Variants in ANO10 observed in about 807,000 individuals in gnomAD.
ANO10 encodes anoctamin-10.
ANO10 carries 77 observed loss-of-function variants against 74.7 expected under a neutral mutation model. That is an observed-to-expected ratio of 1.03 (90% CI 0.86 to 1.25). The LOEUF (loss-of-function observed/expected upper bound fraction) is 1.25. Ranked by LOEUF, ANO10 falls within the 50% of genes most tolerant of loss-of-function variation. ANO10 has a pLI of 0.00. For missense variants in ANO10, 721 were observed against 778.1 expected, an observed-to-expected ratio of 0.93 and a Z score of 0.87; for synonymous variants, 279 against 284.9, an observed-to-expected ratio of 0.98 and a Z score of 0.21.
intron 11 of ANO10, among the ~76,000 whole-genome samples, chr3:43,471,179 T>C (rs545457871): frequency 3.3e-5 from 5 of 152,292 alleles, no homozygotes; most frequent in Admixed American, 1.3e-4. Flanking sequence ...TTCCCCCAGT[T>C]GGAAACCTAT....
In ANO10 at chr3:43,395,956, C is replaced by T. The variant is rs529824531; in HGVS notation, c.1915-28982G>A. Among the ~76,000 whole-genome samples the T allele has an allele frequency of 1.1e-4, 17 of 152,308 alleles. 1 individual carries two copies. In the South Asian group the frequency reaches 1.7e-3, roughly 15 times the overall value. ...GCAGCCACAGACAACCTGCAAATGACGACTTCTAGTTTCTGCAGATCCATC... is the reference window on the plus strand; with the variant it reads ...GCAGCCACAGACAACCTGCAAATGATGACTTCTAGTTTCTGCAGATCCATC... On this transcript the variant is annotated intron_variant, in intron 12 of 12. Transcript: ENST00000292246.
At chr3:43,565,751 G>T in intron 7 of ANO10, 24 bp from the exon 8 acceptor site, 2 of 1,126,690 alleles carry the variant, frequency 1.8e-6, no homozygotes, top group Non-Finnish European at 2.5e-6. Flanking sequence ...AAAAAAAAAA[G>T]ATAAGTGTTA....
intron 11 of ANO10, among the ~76,000 whole-genome samples, chr3:43,522,548 C>A (rs2078005285): frequency 6.6e-6 from 1 of 152,170 alleles, no homozygotes; most frequent in Non-Finnish European, 1.5e-5. Context: ...CATTTCACTG[C>A]AGTTTAATAT....
At chr3:43,408,070 G>A (rs1213879506) in intron 12 of ANO10, among the ~76,000 whole-genome samples, 1 of 152,224 alleles carries the variant, frequency 6.6e-6, no homozygotes, top group Non-Finnish European at 1.5e-5. Flanking sequence ...AGATCAGTCA[G>A]AGGGTTGTGG....
intron 12 of ANO10, among the ~76,000 whole-genome samples, chr3:43,403,924 C>T (rs1265326405): frequency 6.6e-6 from 1 of 152,122 alleles, no homozygotes; most frequent in Non-Finnish European, 1.5e-5. Context: ...GGTAACCATA[C>T]CTTGTATAAC....
At chr3:43,584,348 C>T (rs953755582) in intron 4 of ANO10, among the ~76,000 whole-genome samples, 1 of 152,186 alleles carries the variant, frequency 6.6e-6, no homozygotes, top group African/African-American at 2.4e-5. Context: ...CACTTGTTAT[C>T]ATAGCCATGT....
chr3:43,398,392 T>C (rs916294343), intron 12 of ANO10, among the ~76,000 whole-genome samples: 1 of 152,248 alleles, frequency 6.6e-6, no homozygotes, highest in Non-Finnish European at 1.5e-5. Flanking sequence ...AAAAAGTCTG[T>C]CATTAAAACT....
rs71616090 is a variant in ANO10, at chr3:43,382,518, C to CA, written c.1915-15545dup. ...TGGGCGACAGAGCGAGACTCCGTCTCAAAAAAAAAAAAAAAGAAATAACCA... is the reference window on the plus strand; with the variant it reads ...TGGGCGACAGAGCGAGACTCCGTCTCAAAAAAAAAAAAAAAAGAAATAACCA... On this transcript the variant is annotated intron_variant, in intron 12 of 12. Coordinates refer to ENST00000292246, the MANE Select transcript of ANO10 (RefSeq NM_018075.5). 3.1e-3 allele frequency among the ~76,000 whole-genome samples: 284 copies of CA among 92,564 alleles called. 1 individual carries two copies. The highest frequency in any genetic ancestry group is 4.8e-3 in the South Asian group (14 of 2,934). 60.7% of individuals were successfully genotyped at this position (92,564 alleles called of 152,430 possible). A position where few individuals can be genotyped will look rare whatever the true frequency, so the allele number is the denominator to read the frequency against.
chr3:43,598,562 G>C lies in ANO10; in HGVS notation c.442C>G (p.Gln148Glu). ...KDEKMIPGYP[Q>E]AKLYPGKSLL... ...GATTTTCCTGGATACAACTTTGCCT[G>C]AGGGTAACCAGGGATCATTTTTTCA... The change falls in exon 4 of 13, where the codon CAG (glutamine) becomes GAG (glutamate). Residue 148 changes from glutamine to glutamate, a missense_variant. Gln to Glu is a conservative substitution (Grantham distance 29, BLOSUM62 2). Coordinates refer to ENST00000292246, the MANE Select transcript of ANO10 (RefSeq NM_018075.5). 4 of 1,613,176 alleles carry C rather than the reference G, an allele frequency of 2.5e-6. No homozygotes were observed. The highest frequency in any genetic ancestry group is 8.5e-7 in the Non-Finnish European group (1 of 1,179,674).
chr3:43,517,901 C>G (rs1030465216), intron 11 of ANO10, among the ~76,000 whole-genome samples: 2 of 152,164 alleles, frequency 1.3e-5, no homozygotes, highest in Admixed American at 6.6e-5. Context: ...CATTTCTGTG[C>G]TTATCTGATT....
intron 10 of ANO10, among the ~76,000 whole-genome samples, chr3:43,550,764 T>C (rs541787183): frequency 6.7e-6 from 1 of 148,440 alleles, no homozygotes; most frequent in East Asian, 1.9e-4. Flanking sequence ...TTACTTTTGA[T>C]TATATTCTCA....
At chr3:43,406,460 T>C (rs1375732923) in intron 12 of ANO10, among the ~76,000 whole-genome samples, 2 of 152,176 alleles carry the variant, frequency 1.3e-5, no homozygotes, top group Non-Finnish European at 2.9e-5. Context: ...AAATAAGCCA[T>C]CATCACCTAT....
chr3:43,448,398 C>G (rs567537006), intron 11 of ANO10, among the ~76,000 whole-genome samples: 1 of 152,240 alleles, frequency 6.6e-6, no homozygotes, highest in South Asian at 2.1e-4. Context: ...TTTACTGTCT[C>G]TATAGTTTTG....
At chr3:43,578,704 C>A (rs1484690696) in intron 5 of ANO10, among the ~76,000 whole-genome samples, 1 of 130,098 alleles carries the variant, frequency 7.7e-6, no homozygotes, top group Non-Finnish European at 1.6e-5. Context: ...GAACTGAGAT[C>A]ACACCATTGC....
At chr3:43,559,741 A>G (rs1401805945) in intron 9 of ANO10, among the ~76,000 whole-genome samples, 1 of 152,220 alleles carries the variant, frequency 6.6e-6, no homozygotes, top group African/African-American at 2.4e-5. Context: ...CCCCAAGCAT[A>G]GGCAAGGAAA....
chr3:43,535,267 CTTTTTTTT>C (rs71616100), intron 11 of ANO10, among the ~76,000 whole-genome samples: 7 of 107,896 alleles, frequency 6.5e-5, no homozygotes, highest in African/African-American at 1.4e-4. Flanking sequence ...CCTAGACATT[CTTTTTTTT>C]TTTTTTTTTT....
At chr3:43,479,981 CAG>C (rs2076206343) in intron 11 of ANO10, among the ~76,000 whole-genome samples, 1 of 152,106 alleles carries the variant, frequency 6.6e-6, no homozygotes, top group South Asian at 2.1e-4. Flanking sequence ...TAGGAGGAAA[CAG>C]AGACAAAGCA....
chr3:43,377,541 G>T (rs2091842532), intron 12 of ANO10, among the ~76,000 whole-genome samples: 1 of 152,184 alleles, frequency 6.6e-6, no homozygotes, highest in African/African-American at 2.4e-5. Context: ...CCCCTATGTT[G>T]TCATACAGGT....
intron 12 of ANO10, among the ~76,000 whole-genome samples, chr3:43,431,160 CCTT>C (rs1410229927): frequency 6.6e-6 from 1 of 151,518 alleles, no homozygotes; most frequent in African/African-American, 2.4e-5. Context: ...ACAGCCTTGA[CCTT>C]CTAGGCTCAA....
Sources: gnomAD v4.1 joint callset for allele counts (sites outside exome capture counted in the v4.1 genomes callset) on GRCh38, gnomAD v4.1.1 for gene constraint, MANE v1.5 for transcripts, NCBI Gene and HGNC (gene_info 2026-07-23, HGNC 2026-07-21) for gene names.